Variants in H2BN1 observed in about 807,000 individuals in gnomAD.
H2BN1 encodes the protein H2B.N variant histone 1.
chr17:32,897,705 G>T, the H2BN1 span, among the ~76,000 whole-genome samples: 1 of 152,178 alleles, frequency 6.6e-6, no homozygotes, highest in Non-Finnish European at 1.5e-5. Flanking sequence ...GAGTGCTGTT[G>T]AGTGTCAGCA....
chr17:32,897,358 T>C, the H2BN1 span, among the ~76,000 whole-genome samples: 15 of 124,050 alleles, frequency 1.2e-4, no homozygotes, highest in Admixed American at 1.7e-4. Context: ...CTCTCTGTCT[T>C]ACACACACAC....
the H2BN1 span, among the ~76,000 whole-genome samples, chr17:32,902,281 A>G: frequency 6.6e-6 from 1 of 152,178 alleles, no homozygotes; most frequent in Non-Finnish European, 1.5e-5. Flanking sequence ...AAAGTTATGG[A>G]ACCATCATTG....
chr17:32,895,960 C>T, the H2BN1 span, among the ~76,000 whole-genome samples: 1 of 152,044 alleles, frequency 6.6e-6, no homozygotes, highest in Non-Finnish European at 1.5e-5. Context: ...TGCATTGTTG[C>T]AATCATAGCT....
At chr17:32,899,282 A>G in the H2BN1 span, among the ~76,000 whole-genome samples, 6 of 152,346 alleles carry the variant, frequency 3.9e-5, no homozygotes, top group African/African-American at 1.4e-4. Context: ...AGAAACTTAG[A>G]TAAGAGTTTT....
At chr17:32,905,517 T>C in the H2BN1 span, 1 of 149,652 alleles carries the variant, frequency 6.7e-6, no homozygotes, top group African/African-American at 2.4e-5. Context: ...TGTGTGGTTG[T>C]GTGTGTGTGT....
chr17:32,896,881 A>G, the H2BN1 span, among the ~76,000 whole-genome samples: 2 of 152,170 alleles, frequency 1.3e-5, no homozygotes, highest in African/African-American at 4.8e-5. Flanking sequence ...CCCCCAGTGG[A>G]GAACCCCTGC....
the H2BN1 span, among the ~76,000 whole-genome samples, chr17:32,904,241 A>G: frequency 1.3e-5 from 2 of 152,288 alleles, no homozygotes; most frequent in South Asian, 2.1e-4. Context: ...TCATTTATCT[A>G]TGAAAACAAC....
At chr17:32,901,654 C>T in the H2BN1 span, among the ~76,000 whole-genome samples, 1 of 152,062 alleles carries the variant, frequency 6.6e-6, no homozygotes, top group Non-Finnish European at 1.5e-5. Flanking sequence ...TTTAAAAGTA[C>T]TTGTATTTAA....
chr17:32,901,452 C>T, the H2BN1 span, among the ~76,000 whole-genome samples: 6 of 152,034 alleles, frequency 3.9e-5, no homozygotes, highest in Non-Finnish European at 7.4e-5. Flanking sequence ...TGTGATAGTC[C>T]CTGGGCCTTG....
At chr17:32,898,959 G>C in the H2BN1 span, among the ~76,000 whole-genome samples, 1 of 152,186 alleles carries the variant, frequency 6.6e-6, no homozygotes, top group Non-Finnish European at 1.5e-5. Flanking sequence ...AACTGGGAAA[G>C]ATGTGGGGGA....
At chr17:32,897,358 TACAC>T in the H2BN1 span, among the ~76,000 whole-genome samples, 13,763 of 123,936 alleles carry the variant, frequency 0.11, 903 homozygotes, top group African/African-American at 0.21. Flanking sequence ...CTCTCTGTCT[TACAC>T]ACACACACAC....
chr17:32,900,633 G>GT, the H2BN1 span, among the ~76,000 whole-genome samples: 6 of 151,786 alleles, frequency 4.0e-5, no homozygotes, highest in Non-Finnish European at 8.8e-5. Context: ...CCAGGATGGA[G>GT]TGCAGTGGTG....
the H2BN1 span, among the ~76,000 whole-genome samples, chr17:32,901,295 C>CA: frequency 2.0e-5 from 3 of 151,790 alleles, no homozygotes; most frequent in Non-Finnish European, 2.9e-5. Flanking sequence ...GTTAATGTTT[C>CA]AAAAAAACCT....
At chr17:32,896,413 G>T in the H2BN1 span, among the ~76,000 whole-genome samples, 1 of 152,118 alleles carries the variant, frequency 6.6e-6, no homozygotes, top group African/African-American at 2.4e-5. Flanking sequence ...TAAGAAATTG[G>T]TAGAAAACAA....
At chr17:32,900,864 A>C in the H2BN1 span, among the ~76,000 whole-genome samples, 4 of 151,812 alleles carry the variant, frequency 2.6e-5, no homozygotes, top group African/African-American at 9.7e-5. Context: ...TACAGGTGTG[A>C]GCCACTGCAC....
the H2BN1 span, among the ~76,000 whole-genome samples, chr17:32,899,935 T>G: frequency 6.6e-6 from 1 of 152,234 alleles, no homozygotes; most frequent in Admixed American, 6.5e-5. Context: ...TGTCACAGTC[T>G]CCAAAGTTAT....
At chr17:32,901,864 G>GT in the H2BN1 span, among the ~76,000 whole-genome samples, 32 of 151,748 alleles carry the variant, frequency 2.1e-4, no homozygotes, top group African/African-American at 7.2e-4. Context: ...GTGTAGAAGT[G>GT]TTTTTTTTAA....
At chr17:32,900,681 A>G in the H2BN1 span, among the ~76,000 whole-genome samples, 610 of 151,930 alleles carry the variant, frequency 4.0e-3, 3 homozygotes, top group African/African-American at 0.014. Flanking sequence ...TCTGGGGTTC[A>G]CGCCATTCTC....
chr17:32,899,740 T>A, the H2BN1 span, among the ~76,000 whole-genome samples: 1 of 152,248 alleles, frequency 6.6e-6, no homozygotes, highest in Admixed American at 6.5e-5. Context: ...AGGCATATAC[T>A]AAATTGTTAA....
Sources: gnomAD v4.1 joint callset for allele counts (sites outside exome capture counted in the v4.1 genomes callset) on GRCh38, gnomAD v4.1.1 for gene constraint, MANE v1.5 for transcripts, NCBI Gene and HGNC (gene_info 2026-07-23, HGNC 2026-07-21) for gene names.